The following HNRNPK variants were observed in gnomAD, a reference collection of about 807,000 sequenced individuals.
HNRNPK encodes the protein heterogeneous nuclear ribonucleoprotein K.
Under a neutral mutation model 67.0 loss-of-function variants are expected in HNRNPK, and 7 were observed. The ratio of observed to expected loss-of-function variants is 0.10; its 90% CI spans 0.06 to 0.20. The LOEUF (loss-of-function observed/expected upper bound fraction) is 0.20. HNRNPK is among the 10% of genes least tolerant of loss of function. The pLI is 1.00. For missense variants in HNRNPK, 264 were observed against 606.5 expected (o/e 0.44, Z 5.93); for synonymous variants, 213 against 193.7 (o/e 1.10, Z -0.83).
chr9:83,968,467 TAATC>T lies in HNRNPK; in HGVS notation c.*936_*939del, dbSNP rs1335803657. 1 of 152,550 alleles carries T rather than the reference TAATC, an allele frequency of 6.6e-6. No homozygotes were observed. The highest frequency in any genetic ancestry group is 2.4e-5 in the African/African-American group (1 of 41,432). 9.4% of individuals were successfully genotyped at this position (152,550 alleles called of 1,614,324 possible). Reference sequence around the variant, plus strand: ...TAGGTGAGAAATTATCTAATAAAAATAATCAATTTTTTCAGCATTAGTCACTTCC... The same window carrying T: ...TAGGTGAGAAATTATCTAATAAAAATAATTTTTTCAGCATTAGTCACTTCC... On this transcript the variant is annotated 3_prime_UTR_variant, in exon 17 of 17. Transcript: ENST00000376263.
At chr9:83,975,100 G>A (rs1588427310) in intron 6 of HNRNPK, among the ~76,000 whole-genome samples, 1 of 152,044 alleles carries the variant, frequency 6.6e-6, no homozygotes, top group South Asian at 2.1e-4. Context: ...GAGAAGTGAA[G>A]GAAAGTGAAC....
rs1016375752 is a variant in HNRNPK, at chr9:83,969,084, T to A, written c.*323A>T. The A allele has an allele frequency of 6.1e-6, 3 of 492,274 alleles. No homozygotes were observed. The highest frequency in any genetic ancestry group is 5.8e-5 in the African/African-American group (3 of 51,348). 30.5% of individuals were successfully genotyped at this position (492,274 alleles called of 1,614,324 possible). A position where few individuals can be genotyped will look rare whatever the true frequency, so the allele number is the denominator to read the frequency against. On this transcript the variant is annotated 3_prime_UTR_variant, in exon 17 of 17. Coordinates refer to ENST00000376263, the MANE Select transcript of HNRNPK (RefSeq NM_031263.4). Reference sequence around the variant, plus strand: ...AAGCAAGGTGTTCACAATAATTACATGGGGGGAATTTTTTAAACCACCAAC... The same window carrying A: ...AAGCAAGGTGTTCACAATAATTACAAGGGGGGAATTTTTTAAACCACCAAC...
chr9:83,968,506 T>C lies in HNRNPK; in HGVS notation c.*901A>G, dbSNP rs931974404. On this transcript the variant is annotated 3_prime_UTR_variant, in exon 17 of 17. Transcript: ENST00000376263. ...AGCATTAGTCACTTCCATAACCAAG[T>C]GTTATTCTGATTAATAAAACTTGCT... 1 of 152,598 alleles carries C rather than the reference T, an allele frequency of 6.6e-6. No homozygotes were observed. The highest frequency in any genetic ancestry group is 2.4e-5 in the African/African-American group (1 of 41,450). 9.5% of individuals were successfully genotyped at this position (152,598 alleles called of 1,614,324 possible).
chr9:83,971,402 T>C, intron 12 of HNRNPK, 46 bp from the exon 13 acceptor site: 1 of 1,320,256 alleles, frequency 7.6e-7, no homozygotes, highest in East Asian at 2.3e-5. Flanking sequence ...TGTATTTTGT[T>C]ATAGAGCTGT....
In HNRNPK at chr9:83,970,882, A is replaced by G; in HGVS notation, c.1108+15T>C. ...TATGAAATTAATGTTTGACTTCACA[A>G]AGGAGAGAACTTACCATATCCGGAG... On this transcript the variant is annotated intron_variant, in intron 14 of 16. Transcript: ENST00000376263. The G allele has an allele frequency of 6.2e-7, 1 of 1,612,336 alleles. No individual in the cohort carries two copies.
intron 4 of HNRNPK, 77 bp from the exon 5 acceptor site, chr9:83,977,128 T>C: frequency 9.8e-7 from 1 of 1,021,472 alleles, no homozygotes; most frequent in Non-Finnish European, 1.5e-6. Context: ...TAGATTTTGC[T>C]AAAAAATCCT....
At position 83,978,445 on chromosome 9, in the gene HNRNPK, G is replaced by A. The variant is rs942503826; in HGVS notation, c.-100C>T. The A allele has an allele frequency of 1.8e-5, 21 of 1,148,678 alleles. No homozygotes were observed. Among genetic ancestry groups the A allele is most frequent in the South Asian group, 9.2e-5 (4 of 43,486 alleles). 71.2% of individuals were successfully genotyped at this position (1,148,678 alleles called of 1,614,324 possible). A position where few individuals can be genotyped will look rare whatever the true frequency, so the allele number is the denominator to read the frequency against. On this transcript the variant is annotated 5_prime_UTR_variant, in exon 2 of 17. Coordinates refer to ENST00000376263, the MANE Select transcript of HNRNPK (RefSeq NM_031263.4). ...GACCAACAACTGACACCCCAGTGCT[G>A]CAGTAGCCTATAAGAACCAACACAA...
Position 83,973,924 on chromosome 9 carries a change from G to A in HNRNPK, c.380C>T (p.Ser127Phe). ...TACATTTAAGCATTCCACAGCATCA[G>A]ATTCGAGCGGGAGCTGGCTGGTTGC... ...PTATSQLPLE[S>F]DAVECLNYQH... is the part of the protein sequence containing the mutation. The change falls in exon 8 of 17, where the codon TCT becomes TTT. Residue 127 changes from serine to phenylalanine, a missense_variant. Ser to Phe is a radical substitution (Grantham distance 155). Around this residue, in one of 6 missense-constraint regions of HNRNPK, gnomAD observed 39 missense variants for 54.4 expected, o/e 0.72. Transcript: ENST00000376263. 1.2e-6 allele frequency: 2 copies of A among 1,613,818 alleles called. No individual in the cohort carries two copies. The highest frequency in any genetic ancestry group is 1.7e-6 in the Non-Finnish European group (2 of 1,179,804).
rs1956673009 is a variant in HNRNPK at position 83,968,378 on chromosome 9, G to C, written c.*1029C>G. 6.6e-6 allele frequency: 1 copy of C among 151,982 alleles called. No individual in the cohort carries two copies. Among genetic ancestry groups the C allele is most frequent in the Non-Finnish European group, 1.5e-5 (1 of 67,986 alleles). 9.4% of individuals were successfully genotyped at this position (151,982 alleles called of 1,614,324 possible). ...CAATTTGCATACAATGGAAAAACAA[G>C]TATATATATATTTTACAAAGTTTAA... On this transcript the variant is annotated 3_prime_UTR_variant, in exon 17 of 17. Transcript: ENST00000376263.
intron 13 of HNRNPK, 102 bp from the exon 14 acceptor site, chr9:83,971,014 C>T: frequency 1.7e-6 from 2 of 1,203,594 alleles, no homozygotes; most frequent in South Asian, 1.2e-5. Context: ...GCTATGTTGC[C>T]CAGGCTGGTC....
chr9:83,976,919 G>T, intron 5 of HNRNPK, 76 bp downstream of exon 5: 1 of 775,036 alleles, frequency 1.3e-6, no homozygotes, highest in Non-Finnish European at 2.2e-6. Flanking sequence ...ATGATTTCTA[G>T]GATGTAAATC....
intron 16 of HNRNPK, chr9:83,969,856 A>C (rs1956745559): frequency 1.6e-6 from 1 of 611,276 alleles, no homozygotes; most frequent in Non-Finnish European, 3.2e-6. Context: ...GCCAACATCC[A>C]ATGAATCTTC....
rs1249938975 is a variant in HNRNPK, at chr9:83,969,501, C to CAT, written c.1362-63_1362-62dup. The CAT allele has an allele frequency of 9.0e-6, 9 of 997,058 alleles. No individual in the cohort carries two copies. The African/African-American group carries it at 1.5e-4, about 16-fold the overall frequency. The allele number at this position is 997,058 out of a possible 1,614,324, so 61.8% of individuals were successfully genotyped here. A position where few individuals can be genotyped will look rare whatever the true frequency, so the allele number is the denominator to read the frequency against. ...TTTTTGCTCGTAACATCTTAATCAA[C>CAT]ATCAAGACAATTTCAATGCTAAATT... On this transcript the variant is annotated intron_variant, in intron 16 of 16. Transcript: ENST00000376263.
intron 7 of HNRNPK, among the ~76,000 whole-genome samples, 169 bp downstream of exon 7, chr9:83,974,346 TAA>T (rs35198637): frequency 1.4e-5 from 2 of 143,786 alleles, no homozygotes; most frequent in African/African-American, 2.6e-5. Context: ...TTTTTTTTTT[TAA>T]AAAAAAAAAA....
rs1956690712 is a variant in HNRNPK, at chr9:83,968,759, A to C, written c.*648T>G. ...AGAAATCACCAGAACTAAGTTTGCCAAGTTATTTTGCCTATGTCCAACAAG... is the reference window on the plus strand; with the variant it reads ...AGAAATCACCAGAACTAAGTTTGCCCAGTTATTTTGCCTATGTCCAACAAG... On this transcript the variant is annotated 3_prime_UTR_variant, in exon 17 of 17. Coordinates refer to ENST00000376263, the MANE Select transcript of HNRNPK (RefSeq NM_031263.4). The C allele has an allele frequency of 2.0e-5, 3 of 152,670 alleles. No homozygotes were observed. The South Asian group carries it at 6.2e-4, about 32-fold the overall frequency. 9.5% of individuals were successfully genotyped at this position (152,670 alleles called of 1,614,324 possible).
intron 12 of HNRNPK, 138 bp downstream of exon 12, chr9:83,971,534 G>A: frequency 1.2e-6 from 1 of 836,266 alleles, no homozygotes; most frequent in Non-Finnish European, 2.0e-6. Flanking sequence ...GCAAATAACA[G>A]AATTATTTAA....
chr9:83,975,592 C>A, intron 5 of HNRNPK, 87 bp from the exon 6 acceptor site: 3 of 1,192,788 alleles, frequency 2.5e-6, no homozygotes, highest in South Asian at 2.4e-5. Flanking sequence ...CGTTTGGCAA[C>A]GAGCACATTT....
upstream of HNRNPK, chr9:83,980,524 G>C (rs547130450): frequency 2.4e-3 from 362 of 153,074 alleles, 1 homozygote; most frequent in Non-Finnish European, 2.8e-3. Context: ...GAACAAGTGG[G>C]ACACAGGCAA....
In HNRNPK at chr9:83,969,397, AT is replaced by A; in HGVS notation, c.*9del. ...TGCTTCACACTATAAAAAAGAAAAA[AT>A]ATCTTGCATTAGAATCCTTCAACAT... On this transcript the variant is annotated 3_prime_UTR_variant, in exon 17 of 17. Coordinates refer to ENST00000376263, the MANE Select transcript of HNRNPK (RefSeq NM_031263.4). 2 of 1,561,948 alleles carry A rather than the reference AT, an allele frequency of 1.3e-6. No homozygotes were observed. The highest frequency in any genetic ancestry group is 1.4e-5 in the African/African-American group (1 of 73,810).
Sources: gnomAD v4.1 joint callset for allele counts (sites outside exome capture counted in the v4.1 genomes callset) on GRCh38, gnomAD v4.1.1 for gene constraint, gnomAD v4.1.1 regional missense constraint, MANE v1.5 for transcripts, NCBI Gene and HGNC (gene_info 2026-07-23, HGNC 2026-07-21) for gene names.